DNAJC10: variants seen among roughly 807,000 people sequenced by gnomAD.
DNAJC10 encodes the protein endoplasmic reticulum disulfide reductase DNAJC10.
A neutral mutation model predicts 115.0 loss-of-function variants in DNAJC10; 101 were observed. The observed-to-expected ratio is 0.88, with a 90% CI of 0.75 to 1.04. The LOEUF is 1.04. DNAJC10 is among the 50% of genes least tolerant of loss of function. The pLI is 0.00. For missense variants in DNAJC10, 981 were observed against 928.8 expected, an observed-to-expected ratio of 1.06 and a Z score of -0.73; for synonymous variants, 307 against 301.5, an observed-to-expected ratio of 1.02 and a Z score of -0.19.
chr2:182,739,228 A>G (rs1693668042), intron 11 of DNAJC10, among the ~76,000 whole-genome samples: 1 of 144,646 alleles, frequency 6.9e-6, no homozygotes, highest in East Asian at 2.0e-4. Context: ...AATATCTCAT[A>G]TATATTTATA....
chr2:182,766,513 T>C (rs943102544), intron 22 of DNAJC10, among the ~76,000 whole-genome samples: 21 of 152,192 alleles, frequency 1.4e-4, no homozygotes, highest in African/African-American at 5.1e-4. Context: ...GAAAAGTTGG[T>C]TGCATGCTGC....
Position 182,784,256 on chromosome 2 carries a change from A to C in DNAJC10, c.*7124A>C, listed in dbSNP as rs1056396570. On this transcript the variant is annotated 3_prime_UTR_variant, in exon 24 of 24. Coordinates refer to ENST00000264065, the MANE Select transcript of DNAJC10 (RefSeq NM_018981.4). ...AGGAGAATTGCATGAACCCGGAGGC[A>C]AAGGTTGCAGTGAGCAGAGATCACA... is the stretch of plus-strand genomic sequence containing the variant. 4 of 152,122 alleles carry C rather than the reference A, an allele frequency of 2.6e-5. No individual in the cohort carries two copies. The highest frequency in any genetic ancestry group is 9.7e-5 in the African/African-American group (4 of 41,420). The allele number at this position is 152,122 out of a possible 1,614,324, so 9.4% of individuals were successfully genotyped here.
At chr2:182,755,206 C>G in intron 17 of DNAJC10, 102 bp downstream of exon 17, 1 of 704,558 alleles carries the variant, frequency 1.4e-6, no homozygotes. Context: ...CTTTTCATGC[C>G]CAAACTATTT....
intron 1 of DNAJC10, among the ~76,000 whole-genome samples, 165 bp downstream of exon 1, chr2:182,716,648 C>T (rs1692999646): frequency 6.6e-6 from 1 of 152,212 alleles, no homozygotes; most frequent in Non-Finnish European, 1.5e-5. Flanking sequence ...CTGTTATTCA[C>T]ACCACCCTTC....
chr2:182,783,598 A>T lies in DNAJC10; in HGVS notation c.*6466A>T, dbSNP rs187811484. On this transcript the variant is annotated 3_prime_UTR_variant, in exon 24 of 24. Transcript: ENST00000264065. Reference sequence around the variant, plus strand: ...GTAAAGTCTGTTCCATTTTTCCTCTATTTTTGAGAAATCTTAGATTTATCT... The same window carrying T: ...GTAAAGTCTGTTCCATTTTTCCTCTTTTTTTGAGAAATCTTAGATTTATCT... The T allele has an allele frequency of 1.1e-3, 174 of 152,218 alleles. No individual in the cohort carries two copies. Among genetic ancestry groups the T allele is most frequent in the African/African-American group, 3.8e-3 (156 of 41,558 alleles). The allele number at this position is 152,218 out of a possible 1,614,324, so 9.4% of individuals were successfully genotyped here.
chr2:182,754,935 T>G, intron 16 of DNAJC10, 68 bp from the exon 17 acceptor site: 1 of 1,347,356 alleles, frequency 7.4e-7, no homozygotes, highest in South Asian at 1.3e-5. Context: ...AAAGGCAAAC[T>G]TGTTATAAAT....
intron 16 of DNAJC10, chr2:182,752,456 A>G (rs1694047582): frequency 2.6e-6 from 1 of 379,948 alleles, no homozygotes; most frequent in Non-Finnish European, 3.8e-6. Context: ...TAAAATGCTT[A>G]TATGATTTTC....
chr2:182,767,764 A>G lies in DNAJC10; in HGVS notation c.2265+4963A>G, dbSNP rs113794672. ...AGAGCTTGTTAAACCACAGATATCC[A>G]CTAGATGGCTTTTTTGAGGTCTGGT... On this transcript the variant is annotated intron_variant, in intron 22 of 23. Transcript: ENST00000264065. 7.0e-4 allele frequency among the ~76,000 whole-genome samples: 106 copies of G among 152,206 alleles called. 1 individual carries two copies. The highest frequency in any genetic ancestry group is 2.5e-3 in the African/African-American group (105 of 41,538).
chr2:182,746,233 A>C (rs547311456), intron 14 of DNAJC10, among the ~76,000 whole-genome samples: 1 of 152,260 alleles, frequency 6.6e-6, no homozygotes, highest in South Asian at 2.1e-4. Context: ...ATGATTTATA[A>C]TCCTTTGGGT....
chr2:182,739,680 C>G, intron 11 of DNAJC10: 2 of 1,038,828 alleles, frequency 1.9e-6, no homozygotes, highest in Non-Finnish European at 2.3e-6. Context: ...ATAAGAGACT[C>G]GGGCCGAAAA....
chr2:182,762,415 G>A (rs912045708), intron 21 of DNAJC10, among the ~76,000 whole-genome samples: 1 of 152,044 alleles, frequency 6.6e-6, no homozygotes, highest in African/African-American at 2.4e-5. Flanking sequence ...GCCAGTAGTG[G>A]GTGGCAGGAA....
At chr2:182,736,495 C>A in intron 11 of DNAJC10, 109 bp downstream of exon 11, 1 of 722,782 alleles carries the variant, frequency 1.4e-6, no homozygotes, top group Non-Finnish European at 2.0e-6. Flanking sequence ...TTTATATTGT[C>A]TGATTGTGGA....
At chr2:182,738,801 A>T (rs940987992) in intron 11 of DNAJC10, among the ~76,000 whole-genome samples, 1 of 152,086 alleles carries the variant, frequency 6.6e-6, no homozygotes, top group Admixed American at 6.5e-5. Flanking sequence ...CGGCCTCCCA[A>T]AGTGTTGGGA....
At chr2:182,766,463 A>C (rs1292013800) in intron 22 of DNAJC10, among the ~76,000 whole-genome samples, 2 of 152,210 alleles carry the variant, frequency 1.3e-5, no homozygotes, top group Non-Finnish European at 2.9e-5. Context: ...ACTATACACC[A>C]TGTAAGCAGA....
chr2:182,733,277 T>G (rs1693497733), intron 10 of DNAJC10, among the ~76,000 whole-genome samples: 1 of 151,980 alleles, frequency 6.6e-6, no homozygotes, highest in African/African-American at 2.4e-5. Context: ...TTTCTCTTTG[T>G]GCATTATGGA....
In DNAJC10 at chr2:182,759,214, T is replaced by G; in HGVS notation, c.2052T>G (p.Val684=). The G allele has an allele frequency of 6.2e-7, 1 of 1,609,452 alleles. No individual in the cohort carries two copies. ...CACCTCAGACTTTCAGTGAAAAAGT[T>G]CTACAAGGGAAAAATCATTGGGTGA... ...DLTPQTFSEK[V]LQGKNHWVID... The change falls in exon 21 of 24, where the codon GTT becomes GTG. Residue 684 remains valine, a synonymous_variant. Coordinates refer to ENST00000264065, the MANE Select transcript of DNAJC10 (RefSeq NM_018981.4).
At chr2:182,775,039 T>G (rs288285) in intron 22 of DNAJC10, among the ~76,000 whole-genome samples, 97,578 of 151,478 alleles carry the variant, frequency 0.64, 31,790 homozygotes, top group Middle Eastern at 0.73. Context: ...TTGCACAGTT[T>G]CGATGTTTTG....
intron 5 of DNAJC10, among the ~76,000 whole-genome samples, chr2:182,724,787 C>T (rs1256540325): frequency 6.6e-6 from 1 of 152,134 alleles, no homozygotes; most frequent in East Asian, 1.9e-4. Flanking sequence ...CTGTTAGGCA[C>T]AACATCCCAT....
At chr2:182,770,923 A>G (rs1694544361) in intron 22 of DNAJC10, among the ~76,000 whole-genome samples, 1 of 152,208 alleles carries the variant, frequency 6.6e-6, no homozygotes, top group Non-Finnish European at 1.5e-5. Context: ...TTGCCCATTC[A>G]GTATAATATT....
Sources: gnomAD v4.1 joint callset for allele counts (sites outside exome capture counted in the v4.1 genomes callset) on GRCh38, gnomAD v4.1.1 for gene constraint, MANE v1.5 for transcripts, NCBI Gene and HGNC (gene_info 2026-07-23, HGNC 2026-07-21) for gene names.